The following LSAMP variants were observed in gnomAD, a reference collection of about 807,000 sequenced individuals.
The protein encoded by LSAMP is limbic system-associated membrane protein.
LSAMP carries 7 observed loss-of-function variants against 38.6 expected under a neutral mutation model. The observed-to-expected ratio is 0.18, with a 90% confidence interval of 0.10 to 0.34. The LOEUF is 0.34. LSAMP is among the 10% of genes least tolerant of loss of function. The pLI, the probability that LSAMP is intolerant of heterozygous loss-of-function variation, is 1.00. For missense variants in LSAMP, 313 were observed against 420.0 expected (o/e 0.75, Z 2.23); for synonymous variants, 154 against 166.8 (o/e 0.92, Z 0.59).
intron 3 of LSAMP, among the ~76,000 whole-genome samples, chr3:115,921,770 T>C (rs1372994211): frequency 6.6e-6 from 1 of 152,140 alleles, no homozygotes; most frequent in Non-Finnish European, 1.5e-5. Context: ...TTTTTGTTTA[T>C]ATGCAATGTC....
At chr3:116,422,099 A>G (rs2049136563) in intron 1 of LSAMP, among the ~76,000 whole-genome samples, 1 of 152,230 alleles carries the variant, frequency 6.6e-6, no homozygotes, top group Admixed American at 6.5e-5. Context: ...TTAGTCATTA[A>G]AAGGGAGCAA....
At chr3:116,417,051 G>T (rs2049060426) in intron 1 of LSAMP, among the ~76,000 whole-genome samples, 6 of 152,046 alleles carry the variant, frequency 3.9e-5, no homozygotes, top group Admixed American at 3.9e-4. Context: ...TAATTTATTT[G>T]CTCTTTTCTT....
chr3:115,970,153 G>A (rs1047293989), intron 3 of LSAMP, among the ~76,000 whole-genome samples: 2 of 152,024 alleles, frequency 1.3e-5, no homozygotes, highest in South Asian at 2.1e-4. Flanking sequence ...AAAAAGAATC[G>A]GGAGAATGAA....
At chr3:115,920,135 G>T (rs1937348755) in intron 3 of LSAMP, among the ~76,000 whole-genome samples, 1 of 152,090 alleles carries the variant, frequency 6.6e-6, no homozygotes, top group Admixed American at 6.5e-5. Flanking sequence ...AAATAATGTT[G>T]CAATAAACAT....
At chr3:116,069,155 G>C (rs1315337697) in intron 2 of LSAMP, among the ~76,000 whole-genome samples, 1 of 152,086 alleles carries the variant, frequency 6.6e-6, no homozygotes, top group African/African-American at 2.4e-5. Context: ...ACCCTAACAG[G>C]CCTGCAAGGT....
intron 1 of LSAMP, among the ~76,000 whole-genome samples, chr3:116,401,508 C>T (rs1294159233): frequency 1.3e-5 from 2 of 152,200 alleles, no homozygotes; most frequent in Non-Finnish European, 2.9e-5. Flanking sequence ...TCTCAAACTC[C>T]TGCACTTAAG....
intron 1 of LSAMP, among the ~76,000 whole-genome samples, chr3:116,183,505 TGG>T (rs1416563251): frequency 6.6e-6 from 1 of 151,736 alleles, no homozygotes; most frequent in Non-Finnish European, 1.5e-5. Context: ...TAGATAGAAA[TGG>T]GTATGTACAT....
At chr3:115,834,972 C>T (rs991039280) in intron 6 of LSAMP, among the ~76,000 whole-genome samples, 1 of 152,006 alleles carries the variant, frequency 6.6e-6, no homozygotes, top group Non-Finnish European at 1.5e-5. Flanking sequence ...TCTTGGTTCT[C>T]GTCTCTTTAG....
chr3:116,174,344 T>C (rs952010897), intron 1 of LSAMP, among the ~76,000 whole-genome samples: 9 of 151,972 alleles, frequency 5.9e-5, no homozygotes, highest in African/African-American at 2.2e-4. Context: ...GCAGCCGCCA[T>C]AGGGTAATAA....
intron 2 of LSAMP, among the ~76,000 whole-genome samples, chr3:116,069,019 T>A (rs1218846696): frequency 2.0e-5 from 3 of 152,230 alleles, no homozygotes; most frequent in African/African-American, 7.2e-5. Flanking sequence ...ACATAAACTA[T>A]GCTTGGTGAT....
At chr3:116,312,505 T>C (rs980741149) in intron 1 of LSAMP, among the ~76,000 whole-genome samples, 1 of 152,226 alleles carries the variant, frequency 6.6e-6, no homozygotes, top group East Asian at 1.9e-4. Context: ...TTATTTACTC[T>C]CCCCATCTTC....
chr3:115,865,532 T>TGTG (rs767861263), intron 3 of LSAMP, among the ~76,000 whole-genome samples: 2 of 152,318 alleles, frequency 1.3e-5, no homozygotes, highest in South Asian at 4.1e-4. Flanking sequence ...AGTATCCAGA[T>TGTG]GTGATCAGCT....
At chr3:116,405,732 GATTA>G (rs1003523912) in intron 1 of LSAMP, among the ~76,000 whole-genome samples, 6 of 152,148 alleles carry the variant, frequency 3.9e-5, no homozygotes, top group African/African-American at 1.4e-4. Flanking sequence ...AGGTGCAATT[GATTA>G]ATTATTTTTT....
chr3:116,266,503 A>C (rs1006726834), intron 1 of LSAMP, among the ~76,000 whole-genome samples: 3 of 152,226 alleles, frequency 2.0e-5, no homozygotes, highest in Non-Finnish European at 4.4e-5. Context: ...ACCACAGAGA[A>C]TATGGAATCC....
rs1233081770 is a variant in LSAMP at position 116,280,233 on chromosome 3, C to G, written c.155+164644G>C. 2.0e-5 allele frequency among the ~76,000 whole-genome samples: 3 copies of G among 152,108 alleles called. No individual in the cohort carries two copies. The East Asian group carries it at 5.8e-4, about 29-fold the overall frequency. On this transcript the variant is annotated intron_variant, in intron 1 of 6. Coordinates refer to ENST00000490035, the MANE Select transcript of LSAMP (RefSeq NM_002338.5). ...TCACCGAAATCACATTAGTTCCCAC[C>G]ATGATAACTGAGTGAAGAAAGCATG...
At chr3:115,848,622 T>C (rs1559848983) in intron 4 of LSAMP, among the ~76,000 whole-genome samples, 1 of 152,204 alleles carries the variant, frequency 6.6e-6, no homozygotes, top group Non-Finnish European at 1.5e-5. Context: ...AGCTCACATT[T>C]AGAAATGTCA....
At chr3:116,171,693 C>T (rs1177470283) in intron 1 of LSAMP, among the ~76,000 whole-genome samples, 2 of 152,070 alleles carry the variant, frequency 1.3e-5, no homozygotes, top group East Asian at 1.9e-4. Flanking sequence ...TCTCTGGGCC[C>T]TTCTGTCCTC....
rs181635481 is a variant in LSAMP, at chr3:116,098,712, A to G, written c.156-12156T>C. On this transcript the variant is annotated intron_variant, in intron 1 of 6. Coordinates refer to ENST00000490035, the MANE Select transcript of LSAMP (RefSeq NM_002338.5). ...TGTGAGGAGGACTTCATCCTTGTGT[A>G]ACACCCTGTGTGTGTGTTTTTCTTC... 9.5e-4 allele frequency among the ~76,000 whole-genome samples: 145 copies of G among 152,220 alleles called. 1 individual carries two copies. Among genetic ancestry groups the G allele is most frequent in the East Asian group, 7.7e-4 (4 of 5,178 alleles).
At chr3:116,294,961 C>T (rs2047311382) in intron 1 of LSAMP, among the ~76,000 whole-genome samples, 2 of 152,200 alleles carry the variant, frequency 1.3e-5, no homozygotes, top group African/African-American at 4.8e-5. Flanking sequence ...AATCTTTTCC[C>T]AAAGTTCAAT....
Sources: gnomAD v4.1 joint callset for allele counts (sites outside exome capture counted in the v4.1 genomes callset) on GRCh38, gnomAD v4.1.1 for gene constraint, MANE v1.5 for transcripts, NCBI Gene and HGNC (gene_info 2026-07-23, HGNC 2026-07-21) for gene names.